MYT1L: variants seen among roughly 807,000 people sequenced by gnomAD.
MYT1L encodes the protein myelin transcription factor 1 like.
A neutral mutation model predicts 126.7 loss-of-function variants in MYT1L; 12 were observed. The observed-to-expected ratio is 0.09, with a 90% CI of 0.06 to 0.15. The LOEUF is 0.15. Among genes scored for constraint, MYT1L ranks in the 10% least tolerant of loss-of-function variants. MYT1L has a pLI of 1.00. For synonymous variants in MYT1L, 541 were observed against 604.2 expected (o/e 0.90, Z 1.53); for missense variants, 979 against 1,585.2 (o/e 0.62, Z 6.49).
At chr2:1,956,507 TTCTATCTATCTATCTATCTA>T (rs201077164) in intron 8 of MYT1L, among the ~76,000 whole-genome samples, 55 of 111,722 alleles carry the variant, frequency 4.9e-4, no homozygotes, top group African/African-American at 2.2e-3. Flanking sequence ...ATATTTCCTA[TTCTATCTATCTATCTATCTA>T]TCTATCTATC....
At chr2:1,842,881 GCGCTTC>G (rs1166643768) in intron 19 of MYT1L, 1 of 138,486 alleles carries the variant, frequency 7.2e-6, no homozygotes. Flanking sequence ...CCGCTTCCAG[GCGCTTC>G]CGCTTCCAGG....
intron 3 of MYT1L, among the ~76,000 whole-genome samples, chr2:2,129,573 G>A (rs1381367388): frequency 1.3e-5 from 2 of 152,100 alleles, no homozygotes; most frequent in Non-Finnish European, 2.9e-5. Flanking sequence ...CTGGACAAGT[G>A]ACCGCAGCCA....
chr2:1,835,742 C>T (rs1459506653), intron 21 of MYT1L, among the ~76,000 whole-genome samples: 1 of 152,178 alleles, frequency 6.6e-6, no homozygotes, highest in Non-Finnish European at 1.5e-5. Flanking sequence ...GTCCCCTTTC[C>T]TCCTTGGAGG....
At chr2:2,018,613 G>A (rs879585641) in intron 4 of MYT1L, among the ~76,000 whole-genome samples, 4 of 152,194 alleles carry the variant, frequency 2.6e-5, no homozygotes, top group Admixed American at 6.5e-5. Context: ...TTATGGCATG[G>A]TGCATGCTGC....
At chr2:1,933,443 T>C (rs1279211729) in intron 9 of MYT1L, among the ~76,000 whole-genome samples, 1 of 152,226 alleles carries the variant, frequency 6.6e-6, no homozygotes, top group African/African-American at 2.4e-5. Context: ...AAGTTGTTAA[T>C]GTCGCTTCAC....
intron 14 of MYT1L, 161 bp downstream of exon 14, chr2:1,902,919 G>A: frequency 1.5e-6 from 1 of 648,284 alleles, no homozygotes; most frequent in Non-Finnish European, 2.7e-6. Context: ...GTGTGGACCT[G>A]AGGGGCTTTC....
At chr2:2,327,591 C>T (rs374144381) in intron 1 of MYT1L, among the ~76,000 whole-genome samples, 1 of 152,214 alleles carries the variant, frequency 6.6e-6, no homozygotes, top group Non-Finnish European at 1.5e-5. Context: ...AACTGTAGAT[C>T]TCTCTTTCTG....
chr2:2,128,713 C>A (rs1313024361), intron 3 of MYT1L, among the ~76,000 whole-genome samples: 3 of 152,054 alleles, frequency 2.0e-5, no homozygotes, highest in East Asian at 1.9e-4. Flanking sequence ...ACATTCTATA[C>A]CCATTTCAAA....
intron 3 of MYT1L, among the ~76,000 whole-genome samples, chr2:2,091,985 A>G (rs185455825): frequency 5.1e-4 from 77 of 152,308 alleles, no homozygotes; most frequent in Middle Eastern, 3.4e-3. Flanking sequence ...TCTTCTATCC[A>G]GACCGCTACA....
At position 1,790,029 on chromosome 2, in the gene MYT1L, T is replaced by G. The variant is rs988638997; in HGVS notation, c.*1838A>C. ...AATATTCGTCGTGAGATCCCTGTAG[T>G]CTCCCTTTGCAACATTATTGATCAG... On this transcript the variant is annotated 3_prime_UTR_variant, in exon 25 of 25. Coordinates refer to ENST00000647738, the MANE Select transcript of MYT1L (RefSeq NM_001303052.2). 6.6e-6 allele frequency: 1 copy of G among 152,118 alleles called. No individual in the cohort carries two copies. Among genetic ancestry groups the G allele is most frequent in the Non-Finnish European group, 1.5e-5 (1 of 68,038 alleles). The allele number at this position is 152,118 out of a possible 1,614,324, so 9.4% of individuals were successfully genotyped here.
intron 3 of MYT1L, among the ~76,000 whole-genome samples, chr2:2,126,407 C>T (rs1173127228): frequency 6.6e-6 from 1 of 152,200 alleles, no homozygotes; most frequent in East Asian, 1.9e-4. Context: ...CATTGGAAAT[C>T]CGCCATGTGT....
At chr2:1,961,546 T>C (rs2058961772) in intron 8 of MYT1L, among the ~76,000 whole-genome samples, 1 of 152,240 alleles carries the variant, frequency 6.6e-6, no homozygotes, top group Non-Finnish European at 1.5e-5. Context: ...ACGCGTGTGC[T>C]GGGCCTCTGC....
chr2:2,290,883 A>G (rs551528051), intron 1 of MYT1L, among the ~76,000 whole-genome samples: 1 of 152,286 alleles, frequency 6.6e-6, no homozygotes, highest in East Asian at 1.9e-4. Flanking sequence ...AGAACTAGCA[A>G]AAGAAAATCC....
intron 8 of MYT1L, among the ~76,000 whole-genome samples, chr2:1,972,138 G>A (rs1182375992): frequency 6.6e-6 from 1 of 152,106 alleles, no homozygotes; most frequent in Non-Finnish European, 1.5e-5. Flanking sequence ...AGCACAGATA[G>A]CCTGGTTTGG....
intron 2 of MYT1L, among the ~76,000 whole-genome samples, chr2:2,260,799 G>A (rs2094945259): frequency 6.6e-6 from 1 of 152,072 alleles, no homozygotes; most frequent in African/African-American, 2.4e-5. Context: ...ATCACCTGCA[G>A]GGTGTCTTCA....
At chr2:2,147,609 A>C (rs1437080979) in intron 3 of MYT1L, among the ~76,000 whole-genome samples, 1 of 152,222 alleles carries the variant, frequency 6.6e-6, no homozygotes, top group Non-Finnish European at 1.5e-5. Context: ...TCACGGCCTC[A>C]CAAGTGACTC....
At chr2:2,241,410 C>T (rs780202700) in intron 2 of MYT1L, among the ~76,000 whole-genome samples, 17 of 152,154 alleles carry the variant, frequency 1.1e-4, no homozygotes, top group Non-Finnish European at 1.9e-4. Context: ...GCATGGCAAA[C>T]GCTCCTCTCT....
chr2:1,949,637 A>G (rs1479138057), intron 8 of MYT1L, among the ~76,000 whole-genome samples: 1 of 152,136 alleles, frequency 6.6e-6, no homozygotes, highest in East Asian at 1.9e-4. Context: ...TGTTTATCCA[A>G]TTTTAATATA....
In MYT1L at chr2:1,912,385, CTA is replaced by C. The variant is rs2052154654; in HGVS notation, c.1619-277_1619-276del. Among the ~76,000 whole-genome samples the C allele has an allele frequency of 6.6e-6, 1 of 152,190 alleles. No homozygotes were observed. Among genetic ancestry groups the C allele is most frequent in the Admixed American group, 6.5e-5 (1 of 15,282 alleles). ...GAAAGAAGGTTGACGGGACTCTATG[CTA>C]AGGGCCTCACACAGCAGAGGCGCTG... On this transcript the variant is annotated intron_variant, in intron 11 of 24. Transcript: ENST00000647738. The surrounding 1 kb of genome is among the most constrained non-coding windows in gnomAD (Gnocchi z 4.3).
Sources: allele counts gnomAD v4.1 joint callset (sites outside exome capture counted in the v4.1 genomes callset), GRCh38; gene constraint gnomAD v4.1.1; non-coding constraint Gnocchi (gnomAD v3.1); transcripts MANE v1.5; gene names NCBI Gene and HGNC (gene_info 2026-07-23, HGNC 2026-07-21).